GNAS-AS1: variants seen among roughly 807,000 people sequenced by gnomAD.
The protein encoded by GNAS-AS1 is GNAS antisense RNA 1, also known as GNAS antisense RNA 1 (non-protein coding).
At chr20:58,828,222 C>G (rs1454234524) in intron 4 of GNAS-AS1, among the ~76,000 whole-genome samples, 1 of 152,240 alleles carries the variant, frequency 6.6e-6, no homozygotes, top group Non-Finnish European at 1.5e-5. Context: ...ATGGTATAGT[C>G]TATTTCTACC....
chr20:58,831,186 A>G (rs538037133), intron 4 of GNAS-AS1, among the ~76,000 whole-genome samples: 2 of 152,338 alleles, frequency 1.3e-5, no homozygotes, highest in South Asian at 4.1e-4. Flanking sequence ...CCCAAAGGAC[A>G]TCGAATTGGA....
At chr20:58,826,112 T>C (rs1024697900) in intron 4 of GNAS-AS1, 1 of 398,538 alleles carries the variant, frequency 2.5e-6, no homozygotes, top group African/African-American at 2.1e-5. Context: ...GTGCTCTCAA[T>C]GGGAGAACTT....
intron 4 of GNAS-AS1, among the ~76,000 whole-genome samples, chr20:58,826,472 G>A (rs1467479035): frequency 1.3e-5 from 2 of 152,172 alleles, no homozygotes; most frequent in Non-Finnish European, 2.9e-5. Context: ...CAGGGGGAGG[G>A]TTTGGGGCCA....
At chr20:58,828,739 G>C (rs930093162) in intron 4 of GNAS-AS1, among the ~76,000 whole-genome samples, 1 of 152,208 alleles carries the variant, frequency 6.6e-6, no homozygotes, top group African/African-American at 2.4e-5. Context: ...CTACCTGTCT[G>C]ATACCTTGTC....
intron 4 of GNAS-AS1, among the ~76,000 whole-genome samples, chr20:58,822,361 A>C (rs1485908986): frequency 1.3e-5 from 2 of 152,210 alleles, no homozygotes; most frequent in Non-Finnish European, 2.9e-5. Context: ...AAGTGGTGGC[A>C]GGCACAGGGG....
chr20:58,832,087 C>A (rs2085571970), intron 4 of GNAS-AS1, among the ~76,000 whole-genome samples: 1 of 152,070 alleles, frequency 6.6e-6, no homozygotes, highest in East Asian at 1.9e-4. Flanking sequence ...AAAAACCAAC[C>A]AATTCTGAAA....
intron 4 of GNAS-AS1, among the ~76,000 whole-genome samples, chr20:58,831,626 G>T (rs1036106163): frequency 2.9e-4 from 44 of 151,876 alleles, no homozygotes; most frequent in African/African-American, 9.4e-4. Flanking sequence ...GCGAGACTCT[G>T]TCTCAAAAAC....
chr20:58,844,708 A>T (rs1031457590), intron 2 of GNAS-AS1, among the ~76,000 whole-genome samples: 1 of 152,136 alleles, frequency 6.6e-6, no homozygotes, highest in Non-Finnish European at 1.5e-5. Context: ...GGAACTCCCA[A>T]AAAACATCGA....
At chr20:58,839,612 A>T (rs1568905710) in intron 4 of GNAS-AS1, 1 of 414,106 alleles carries the variant, frequency 2.4e-6, no homozygotes, top group East Asian at 3.5e-5. Flanking sequence ...CTGCCGGCCC[A>T]CTAGGGTCTG....
intron 2 of GNAS-AS1, among the ~76,000 whole-genome samples, chr20:58,845,575 T>C (rs749129103): frequency 6.6e-6 from 1 of 152,164 alleles, no homozygotes; most frequent in Non-Finnish European, 1.5e-5. Context: ...AATTAAGTGA[T>C]GTAGCACCCA....
Position 58,840,091 on chromosome 20 carries a change from G to C in GNAS-AS1, n.819+1846C>G. ...AGCCAGAGGGCAGGCCGGCTTCTCG[G>C]TGTGTGCCTAAGAGGATGGATCGGA... On this transcript the variant is annotated intron_variant and non_coding_transcript_variant, in intron 4 of 4. Coordinates refer to ENST00000424094, the Ensembl canonical transcript of GNAS-AS1. This position sits in a 1 kb window ranked among gnomAD's most constrained non-coding sequence, Gnocchi z 6.0. 1 of 1,609,710 alleles carries C rather than the reference G, an allele frequency of 6.2e-7. No individual in the cohort carries two copies. The highest frequency in any genetic ancestry group is 1.3e-5 in the African/African-American group (1 of 75,036).
At position 58,841,341 on chromosome 20, in the gene GNAS-AS1, G is replaced by C; in HGVS notation, n.819+596C>G. 1 of 1,060,442 alleles carries C rather than the reference G, an allele frequency of 9.4e-7. No individual in the cohort carries two copies. Among genetic ancestry groups the C allele is most frequent in the Non-Finnish European group, 1.1e-6 (1 of 876,424 alleles). 65.7% of individuals were successfully genotyped at this position (1,060,442 alleles called of 1,614,324 possible). On this transcript the variant is annotated intron_variant and non_coding_transcript_variant, in intron 4 of 4. Coordinates refer to ENST00000424094, the Ensembl canonical transcript of GNAS-AS1. This position sits in a 1 kb window ranked among gnomAD's most constrained non-coding sequence, Gnocchi z 5.0. ...GCGCGCGCCAACTTTCACGATGTGA[G>C]AGCAGCCGCGCTGTAGAGACACCGT...
intron 4 of GNAS-AS1, among the ~76,000 whole-genome samples, chr20:58,826,481 C>G (rs988806124): frequency 2.6e-5 from 4 of 152,064 alleles, no homozygotes; most frequent in African/African-American, 9.7e-5. Flanking sequence ...GGTTTGGGGC[C>G]AAAGGGGAAC....
At chr20:58,832,470 T>C (rs1269931516) in intron 4 of GNAS-AS1, among the ~76,000 whole-genome samples, 6 of 152,204 alleles carry the variant, frequency 3.9e-5, no homozygotes, top group African/African-American at 1.2e-4. Flanking sequence ...CTTAAATTCA[T>C]ATAGAAAAAT....
chr20:58,830,402 G>A (rs1436325178), intron 4 of GNAS-AS1, among the ~76,000 whole-genome samples: 10 of 17,772 alleles, frequency 5.6e-4, no homozygotes, highest in Non-Finnish European at 7.2e-4. Context: ...CACCATCACT[G>A]CCACACCACC....
At position 58,841,002 on chromosome 20, in the gene GNAS-AS1, C is replaced by A; in HGVS notation, n.819+935G>T. On this transcript the variant is annotated intron_variant and non_coding_transcript_variant, in intron 4 of 4. Transcript: ENST00000424094. This position sits in a 1 kb window ranked among gnomAD's most constrained non-coding sequence, Gnocchi z 5.0. The stretch of plus-strand genomic sequence containing the variant: ...GCGAGTGGGAAGAGAGGAGGCTCAG[C>A]TGGTCAGCCTGGGATCGGGGGTCAG... 1.7e-6 allele frequency: 2 copies of A among 1,156,850 alleles called. No homozygotes were observed. The highest frequency in any genetic ancestry group is 2.5e-6 in the Non-Finnish European group (2 of 802,150). The allele number at this position is 1,156,850 out of a possible 1,614,324, so 71.7% of individuals were successfully genotyped here. A position where few individuals can be genotyped will look rare whatever the true frequency, so the allele number is the denominator to read the frequency against.
chr20:58,821,293 C>T (rs1224528298), intron 4 of GNAS-AS1, among the ~76,000 whole-genome samples: 1 of 152,194 alleles, frequency 6.6e-6, no homozygotes, highest in Non-Finnish European at 1.5e-5. Context: ...TGTGCTCTTT[C>T]CCCAGCTCCT....
intron 4 of GNAS-AS1, chr20:58,826,867 T>TTTTTTTTTTTTTC: frequency 7.3e-6 from 1 of 136,464 alleles, no homozygotes; most frequent in Non-Finnish European, 1.6e-5. Context: ...GCCTGGCTTT[T>TTTTTTTTTTTTTC]TTTTTTTTTT....
chr20:58,830,356 T>TCAC (rs200091506), intron 4 of GNAS-AS1, among the ~76,000 whole-genome samples: 6 of 37,044 alleles, frequency 1.6e-4, no homozygotes, highest in Non-Finnish European at 2.6e-4. Flanking sequence ...CACACCACCA[T>TCAC]CACCACCACC....
Sources: gnomAD v4.1 joint callset for allele counts (sites outside exome capture counted in the v4.1 genomes callset) on GRCh38, gnomAD v4.1.1 for gene constraint, Gnocchi (gnomAD v3.1) non-coding constraint, MANE v1.5 for transcripts, NCBI Gene and HGNC (gene_info 2026-07-23, HGNC 2026-07-21) for gene names.